The following RIC1 variants were observed in gnomAD, a reference collection of about 807,000 sequenced individuals.
RIC1 encodes the protein RIC1 partner of RAB6A GEF complex.
Under a neutral mutation model 169.0 loss-of-function variants are expected in RIC1, and 88 were observed. The observed-to-expected ratio is 0.52, with a 90% CI of 0.44 to 0.62. The LOEUF is 0.62. Among genes scored for constraint, RIC1 ranks in the 20% least tolerant of loss-of-function variants. RIC1 has a pLI of 0.00. For missense variants in RIC1, 1,877 were observed against 1,725.5 expected (o/e 1.09, Z -1.56); for synonymous variants, 790 against 601.5 (o/e 1.31, Z -4.59).
intron 10 of RIC1, among the ~76,000 whole-genome samples, chr9:5,744,550 A>G (rs1014923707): frequency 6.6e-6 from 1 of 152,164 alleles, no homozygotes; most frequent in Non-Finnish European, 1.5e-5. Flanking sequence ...ACTCAAGTCT[A>G]AACACAGAAT....
At chr9:5,635,070 C>T (rs1817905642) in intron 1 of RIC1, among the ~76,000 whole-genome samples, 1 of 152,138 alleles carries the variant, frequency 6.6e-6, no homozygotes, top group Admixed American at 6.5e-5. Flanking sequence ...TTACTGCAGC[C>T]TCGACCTCTT....
In RIC1 at chr9:5,720,217, CTT is replaced by C; in HGVS notation, c.477_478del (p.Ser160Ter). On this transcript the variant is annotated frameshift_variant, in exon 5 of 26. Coordinates refer to ENST00000414202, the MANE Select transcript of RIC1 (RefSeq NM_020829.4). LOFTEE classifies it high-confidence loss of function. ...GTGTTGGAAGATCTCCTGGTTGCTA[CTT>C]CTGATGGACTTCTTCATCTTATTCA... 1 of 1,612,930 alleles carries C rather than the reference CTT, an allele frequency of 6.2e-7. No homozygotes were observed. Among genetic ancestry groups the C allele is most frequent in the Non-Finnish European group, 8.5e-7 (1 of 1,178,968 alleles).
chr9:5,769,060 A>G lies in RIC1; in HGVS notation c.3228A>G (p.Leu1076=). The G allele has an allele frequency of 2.5e-6, 4 of 1,614,066 alleles. No homozygotes were observed. Among genetic ancestry groups the G allele is most frequent in the Non-Finnish European group, 3.4e-6 (4 of 1,179,960 alleles). The change falls in exon 22 of 26, where the codon TTA becomes TTG. Residue 1076 remains leucine, a synonymous_variant. Coordinates refer to ENST00000414202, the MANE Select transcript of RIC1 (RefSeq NM_020829.4). The stretch of plus-strand genomic sequence containing the variant: ...GGCGCCTCTTAGAAGATGTGAGGTT[A>G]AAGGACCTTGGCTGCTTTGCAGCCC... ...HARRLLEDVR[L]KDLGCFAAQL...
In RIC1 at chr9:5,765,791, G is replaced by A. The variant is rs1266573113; in HGVS notation, c.3130G>A (p.Gly1044Arg). The A allele has an allele frequency of 6.2e-7, 1 of 1,613,478 alleles. No homozygotes were observed. Among genetic ancestry groups the A allele is most frequent in the African/African-American group, 1.3e-5 (1 of 74,828 alleles). ...ACTAAGTATGCCATCTGGTCCCTCT[G>A]GAAAAAGGTAAAATAATAAAGAGCC... Reference protein sequence around the residue: ...KTLSMPSGPSGKRWSKDSDCA... With the variant: ...KTLSMPSGPSRKRWSKDSDCA... The change falls in exon 21 of 26, where the codon GGA (glycine) becomes AGA (arginine). Residue 1044 changes from glycine to arginine, a missense_variant. By Grantham distance (125) the Gly-to-Arg change is moderately radical (BLOSUM62 -2). Around this residue, in one of 3 missense-constraint regions of RIC1, gnomAD observed 681 missense variants for 582.0 expected, o/e 1.17. Coordinates refer to ENST00000414202, the MANE Select transcript of RIC1 (RefSeq NM_020829.4).
intron 17 of RIC1, among the ~76,000 whole-genome samples, chr9:5,762,073 C>G (rs1294841884): frequency 6.6e-6 from 1 of 152,198 alleles, no homozygotes; most frequent in Non-Finnish European, 1.5e-5. Context: ...GCTTTGTTCT[C>G]ATAATGTCCC....
intron 1 of RIC1, among the ~76,000 whole-genome samples, chr9:5,635,302 T>C (rs545338263): frequency 2.7e-4 from 41 of 152,284 alleles, no homozygotes; most frequent in African/African-American, 9.1e-4. Context: ...TTCTATTTTT[T>C]GTACCCATTA....
At position 5,762,544 on chromosome 9, in the gene RIC1, C is replaced by G; in HGVS notation, c.1996C>G (p.Arg666Gly). The G allele has an allele frequency of 6.2e-7, 1 of 1,613,202 alleles. No homozygotes were observed. Among genetic ancestry groups the G allele is most frequent in the South Asian group, 1.1e-5 (1 of 90,810 alleles). The change falls in exon 18 of 26, where the codon CGT becomes GGT. Residue 666 changes from arginine to glycine, a missense_variant. By Grantham distance (125) the Arg-to-Gly change is moderately radical (BLOSUM62 -2). This residue lies in a region of RIC1 where 1,104 missense variants were observed against 992.0 expected (regional missense o/e 1.11). Coordinates refer to ENST00000414202, the MANE Select transcript of RIC1 (RefSeq NM_020829.4). ...GITLKMPQQA[R>G]GAESIMLNLA... is the part of the protein sequence containing the mutation. ...GCTGCTTTTTCTTAAATTTCAGGCT[C>G]GTGGTGCAGAGAGCATTATGTTAAA...
chr9:5,747,060 C>T (rs1563946199), intron 11 of RIC1, among the ~76,000 whole-genome samples: 1 of 152,148 alleles, frequency 6.6e-6, no homozygotes, highest in Admixed American at 6.6e-5. Context: ...GTCTACTCAC[C>T]TTTGAGAACA....
chr9:5,682,257 T>C (rs1476047546), intron 2 of RIC1, among the ~76,000 whole-genome samples: 1 of 152,224 alleles, frequency 6.6e-6, no homozygotes, highest in Non-Finnish European at 1.5e-5. Context: ...CTAGCCTTGA[T>C]GGTCTTTACA....
At chr9:5,667,211 G>A (rs1403466645) in intron 2 of RIC1, among the ~76,000 whole-genome samples, 1 of 152,110 alleles carries the variant, frequency 6.6e-6, no homozygotes, top group African/African-American at 2.4e-5. Flanking sequence ...AGTCCTAGCT[G>A]CTCAGGAGGG....
intron 1 of RIC1, among the ~76,000 whole-genome samples, chr9:5,639,941 T>C (rs1818159725): frequency 6.6e-6 from 1 of 152,330 alleles, no homozygotes; most frequent in East Asian, 1.9e-4. Context: ...CATCCCCTTA[T>C]TTTCAGTCTA....
intron 21 of RIC1, among the ~76,000 whole-genome samples, chr9:5,766,640 C>G (rs554881119): frequency 2.0e-5 from 3 of 152,196 alleles, no homozygotes; most frequent in South Asian, 4.1e-4. Flanking sequence ...GAATAATACT[C>G]TCCAATCTCA....
chr9:5,672,855 A>G (rs571826076), intron 2 of RIC1, among the ~76,000 whole-genome samples: 2 of 152,286 alleles, frequency 1.3e-5, no homozygotes, highest in Non-Finnish European at 2.9e-5. Flanking sequence ...AATCACATTG[A>G]CAATAGACTT....
intron 6 of RIC1, among the ~76,000 whole-genome samples, chr9:5,721,324 T>C (rs1236722012): frequency 6.6e-6 from 1 of 152,176 alleles, no homozygotes; most frequent in Non-Finnish European, 1.5e-5. Flanking sequence ...AGATTAGGCA[T>C]GCAGACATAC....
chr9:5,741,714 A>G (rs1418470551), intron 8 of RIC1, among the ~76,000 whole-genome samples: 1 of 152,144 alleles, frequency 6.6e-6, no homozygotes, highest in Admixed American at 6.5e-5. Flanking sequence ...TGGCTATAAA[A>G]AGCAGTTATT....
At chr9:5,722,688 T>G (rs1180997159) in intron 6 of RIC1, among the ~76,000 whole-genome samples, 3 of 152,290 alleles carry the variant, frequency 2.0e-5, no homozygotes, top group African/African-American at 7.2e-5. Context: ...GTATATCTCC[T>G]AATGCTATCC....
intron 2 of RIC1, among the ~76,000 whole-genome samples, chr9:5,662,671 G>T (rs1220818463): frequency 6.6e-6 from 1 of 151,776 alleles, no homozygotes; most frequent in Non-Finnish European, 1.5e-5. Context: ...ATTTCTTTGG[G>T]GTCAGGATGA....
At chr9:5,749,882 G>A (rs1211721771) in intron 12 of RIC1, among the ~76,000 whole-genome samples, 3 of 144,406 alleles carry the variant, frequency 2.1e-5, no homozygotes, top group Non-Finnish European at 3.0e-5. Flanking sequence ...GGGTTCAAGC[G>A]ATTCTGCTGT....
At position 5,699,877 on chromosome 9, in the gene RIC1, A is replaced by G. The variant is rs556082660; in HGVS notation, c.332+9839A>G. On this transcript the variant is annotated intron_variant, in intron 3 of 25. Transcript: ENST00000414202. Reference sequence around the variant, plus strand: ...TGAAAGTTATCTATCTGTAAATAAGACAAATTGTCTACAGAATTAGTTTTA... The same window carrying G: ...TGAAAGTTATCTATCTGTAAATAAGGCAAATTGTCTACAGAATTAGTTTTA... 1.7e-4 allele frequency among the ~76,000 whole-genome samples: 26 copies of G among 152,338 alleles called. No homozygotes were observed. The South Asian group carries it at 5.0e-3, about 29-fold the overall frequency.
Sources: gnomAD v4.1 joint callset for allele counts (sites outside exome capture counted in the v4.1 genomes callset) on GRCh38, gnomAD v4.1.1 for gene constraint, gnomAD v4.1.1 regional missense constraint, MANE v1.5 for transcripts, NCBI Gene and HGNC (gene_info 2026-07-23, HGNC 2026-07-21) for gene names.